The following MAP2 variants were observed in gnomAD, a reference collection of about 807,000 sequenced individuals.
MAP2 encodes the protein microtubule associated protein 2.
In MAP2, 14 loss-of-function variants were observed where a neutral mutation model predicts 137.6. The observed-to-expected ratio is 0.10, with a 90% CI of 0.07 to 0.16. MAP2 has a LOEUF of 0.16. MAP2 is among the 10% of genes least tolerant of loss of function. The pLI is 1.00. For missense variants in MAP2, 2,088 were observed against 2,191.5 expected, an observed-to-expected ratio of 0.95 and a Z score of 0.94; for synonymous variants, 786 against 782.3, an observed-to-expected ratio of 1.00 and a Z score of -0.08.
At chr2:209,590,629 C>T (rs895225718) in intron 3 of MAP2, among the ~76,000 whole-genome samples, 17 of 152,202 alleles carry the variant, frequency 1.1e-4, no homozygotes, top group African/African-American at 4.1e-4. Context: ...GCCACCATCC[C>T]TGGCCTCAAA....
intron 3 of MAP2, among the ~76,000 whole-genome samples, chr2:209,616,959 CTGTT>C (rs1220277580): frequency 2.6e-5 from 4 of 152,194 alleles, no homozygotes; most frequent in African/African-American, 9.7e-5. Context: ...CAAGACCTGT[CTGTT>C]CAGATTCTTC....
chr2:209,662,529 TTC>T (rs1260715083), intron 5 of MAP2, among the ~76,000 whole-genome samples: 9 of 152,212 alleles, frequency 5.9e-5, no homozygotes, highest in Non-Finnish European at 4.4e-5. Context: ...TACTTGACCT[TTC>T]TCTCATCCCA....
At chr2:209,644,081 G>T (rs2094229038) in intron 4 of MAP2, among the ~76,000 whole-genome samples, 1 of 152,116 alleles carries the variant, frequency 6.6e-6, no homozygotes, top group Non-Finnish European at 1.5e-5. Context: ...ATATCAATTT[G>T]CAAGTCCCAC....
chr2:209,680,860 T>G (rs761267423), intron 7 of MAP2, 33 bp downstream of exon 7: 24 of 1,572,184 alleles, frequency 1.5e-5, no homozygotes, highest in Non-Finnish European at 1.9e-5. Flanking sequence ...GGGTTTGTCT[T>G]CTGTTAAAGT....
At chr2:209,629,136 T>C (rs531032340) in intron 4 of MAP2, among the ~76,000 whole-genome samples, 1 of 152,342 alleles carries the variant, frequency 6.6e-6, no homozygotes, top group South Asian at 2.1e-4. Flanking sequence ...CAGGAACTAA[T>C]TAGCTGGATG....
chr2:209,730,517 A>T lies in MAP2; in HGVS notation c.*120A>T, dbSNP rs2075644320. On this transcript the variant is annotated 3_prime_UTR_variant, in exon 16 of 16. Coordinates refer to ENST00000682079, the MANE Select transcript of MAP2 (RefSeq NM_001375505.1). ...CATAAAATAAATAATCTCATCCCCAAACTGTAGTAATTGTTACAATTTTCT... is the reference window on the plus strand; with the variant it reads ...CATAAAATAAATAATCTCATCCCCATACTGTAGTAATTGTTACAATTTTCT... 3.9e-5 allele frequency: 27 copies of T among 694,008 alleles called. No homozygotes were observed. The South Asian group carries it at 5.2e-4, about 13-fold the overall frequency. 43.0% of individuals were successfully genotyped at this position (694,008 alleles called of 1,614,324 possible). A position where few individuals can be genotyped will look rare whatever the true frequency, so the allele number is the denominator to read the frequency against.
chr2:209,652,718 G>T (rs576227102), intron 4 of MAP2, among the ~76,000 whole-genome samples: 4 of 151,988 alleles, frequency 2.6e-5, no homozygotes, highest in Admixed American at 2.0e-4. Context: ...TTTCTAGCCC[G>T]TTTTCTCATA....
chr2:209,584,348 A>C (rs1020171679), intron 3 of MAP2, among the ~76,000 whole-genome samples: 6 of 152,150 alleles, frequency 3.9e-5, no homozygotes, highest in African/African-American at 1.4e-4. Flanking sequence ...AAGGAAGTGA[A>C]CATGCTGGGA....
chr2:209,491,038 A>T (rs2059047469), intron 1 of MAP2, among the ~76,000 whole-genome samples: 1 of 152,198 alleles, frequency 6.6e-6, no homozygotes. Context: ...AAAATTGACC[A>T]CATAATCGGA....
At chr2:209,465,091 G>C (rs377184013) in intron 1 of MAP2, among the ~76,000 whole-genome samples, 51 of 152,132 alleles carry the variant, frequency 3.4e-4, no homozygotes, top group East Asian at 2.1e-3. Context: ...TCCAAAGGTC[G>C]TGAATTAATA....
intron 2 of MAP2, among the ~76,000 whole-genome samples, chr2:209,532,095 T>G (rs1299383431): frequency 6.6e-6 from 1 of 151,688 alleles, no homozygotes; most frequent in African/African-American, 2.4e-5. Context: ...AAAAATTAGC[T>G]AGGCATGGTA....
chr2:209,586,324 C>T (rs1858140), intron 3 of MAP2, among the ~76,000 whole-genome samples: 149,149 of 152,212 alleles, frequency 0.98, 73,153 homozygotes, highest in East Asian at 1. Context: ...GTATAAAGAA[C>T]GTGGACAAGA....
chr2:209,441,491 A>T, intron 1 of MAP2, among the ~76,000 whole-genome samples: 1 of 151,694 alleles, frequency 6.6e-6, no homozygotes, highest in Admixed American at 6.6e-5. Context: ...AAAAGAAGGG[A>T]AAAAGGAGGT....
At chr2:209,635,414 A>T (rs2093464158) in intron 4 of MAP2, among the ~76,000 whole-genome samples, 1 of 152,190 alleles carries the variant, frequency 6.6e-6, no homozygotes, top group South Asian at 2.1e-4. Context: ...GTAAAATTAT[A>T]ATAGAAAAAA....
At chr2:209,686,629 A>C (rs2057117080) in intron 7 of MAP2, among the ~76,000 whole-genome samples, 1 of 152,226 alleles carries the variant, frequency 6.6e-6, no homozygotes, top group South Asian at 2.1e-4. Context: ...ACCACATCAG[A>C]AGCCAAGTGC....
At chr2:209,679,360 TA>T (rs1333415194) in intron 6 of MAP2, among the ~76,000 whole-genome samples, 3 of 146,516 alleles carry the variant, frequency 2.0e-5, no homozygotes, top group Non-Finnish European at 4.5e-5. Flanking sequence ...GATAGATAGA[TA>T]GATAGGCAGA....
In MAP2 at chr2:209,694,733, C is replaced by T. The variant is rs749718606; in HGVS notation, c.2563C>T (p.His855Tyr). The T allele has an allele frequency of 6.2e-7, 1 of 1,614,130 alleles. No individual in the cohort carries two copies. The highest frequency in any genetic ancestry group is 1.7e-5 in the Admixed American group (1 of 60,012). ...TGLPPVTDEN[H>Y]VIVKTDSQLE... ...CTTGCCCCCGGTAACTGATGAAAAC[C>T]ATGTCATTGTAAAAACGGACAGTCA... The change falls in exon 8 of 16, where the codon CAT becomes TAT. Residue 855 changes from histidine (H) to tyrosine (Y), a missense_variant. His to Tyr is a moderately conservative substitution (Grantham distance 83). Transcript: ENST00000682079.
intron 7 of MAP2, among the ~76,000 whole-genome samples, chr2:209,683,393 G>A (rs2055611722): frequency 6.6e-6 from 1 of 151,964 alleles, no homozygotes; most frequent in African/African-American, 2.4e-5. Context: ...CATTTTTTGA[G>A]TTTTAAGAAA....
intron 10 of MAP2, 83 bp downstream of exon 10, chr2:209,697,134 A>G (rs1336992014): frequency 2.2e-6 from 3 of 1,372,218 alleles, no homozygotes; most frequent in Non-Finnish European, 2.9e-6. Flanking sequence ...CAGCTTCTTC[A>G]TTTTGTTTTT....
Sources: allele counts gnomAD v4.1 joint callset (sites outside exome capture counted in the v4.1 genomes callset), GRCh38; gene constraint gnomAD v4.1.1; transcripts MANE v1.5; gene names NCBI Gene and HGNC (gene_info 2026-07-23, HGNC 2026-07-21).